CADPS: variants seen among roughly 807,000 people sequenced by gnomAD.
CADPS encodes the protein calcium dependent secretion activator, also known as calcium-dependent secretion activator 1.
Under a neutral mutation model 167.3 loss-of-function variants are expected in CADPS, and 57 were observed. That is an observed-to-expected ratio of 0.34 (90% CI 0.28 to 0.42). The LOEUF is 0.42. CADPS is among the 20% of genes least tolerant of loss of function. The pLI, the probability that CADPS is intolerant of heterozygous loss-of-function variation, is 1.00. For synonymous variants in CADPS, 676 were observed against 635.3 expected, an observed-to-expected ratio of 1.06 and a Z score of -0.96; for missense variants, 1,414 against 1,738.1, an observed-to-expected ratio of 0.81 and a Z score of 3.32.
In CADPS at chr3:62,739,955, G is replaced by A. The variant is rs187676931; in HGVS notation, c.888+13486C>T. ...CTCATAATGCTTACTTATTTTAAAT[G>A]CTGTTTGTGTTCATAAGCTATTTTA... On this transcript the variant is annotated intron_variant, in intron 3 of 29. Transcript: ENST00000383710. 2.9e-3 allele frequency among the ~76,000 whole-genome samples: 435 copies of A among 152,300 alleles called. 1 individual carries two copies. The highest frequency in any genetic ancestry group is 9.9e-3 in the African/African-American group (413 of 41,554).
rs115760447 is a variant in CADPS at position 62,450,134 on chromosome 3, A to G, written c.3637-4337T>C. ...GCCCACGGGCAATTTCTTGCTATAA[A>G]AAAGATTCTGGAATCTCCCCAGGTT... is the stretch of plus-strand genomic sequence containing the variant. On this transcript the variant is annotated intron_variant, in intron 26 of 29. Coordinates refer to ENST00000383710, the MANE Select transcript of CADPS (RefSeq NM_003716.4). Among the ~76,000 whole-genome samples, 496 of 152,292 alleles carry G rather than the reference A, an allele frequency of 3.3e-3. 5 individuals are homozygous for G. The highest frequency in any genetic ancestry group is 0.011 in the African/African-American group (456 of 41,550).
chr3:62,653,381 C>A (rs1448325866), intron 4 of CADPS, among the ~76,000 whole-genome samples: 1 of 152,114 alleles, frequency 6.6e-6, no homozygotes, highest in African/African-American at 2.4e-5. Flanking sequence ...AGTGGGCCCT[C>A]ATCAGACACT....
At chr3:62,714,740 C>T (rs139858773) in intron 3 of CADPS, among the ~76,000 whole-genome samples, 6 of 152,242 alleles carry the variant, frequency 3.9e-5, no homozygotes, top group African/African-American at 1.4e-4. Context: ...CAAAATATTA[C>T]TGTCATTTTA....
intron 28 of CADPS, among the ~76,000 whole-genome samples, chr3:62,425,819 A>C (rs2052534658): frequency 1.3e-5 from 2 of 152,178 alleles, no homozygotes; most frequent in Non-Finnish European, 1.5e-5. Context: ...GACACTCCCA[A>C]AGGAAGCAAT....
intron 28 of CADPS, among the ~76,000 whole-genome samples, chr3:62,424,475 G>T (rs1030988045): frequency 9.2e-5 from 14 of 152,102 alleles, no homozygotes; most frequent in Admixed American, 8.5e-4. Flanking sequence ...GAGCCACCGC[G>T]CCTGGCCTGA....
rs145617322 is a variant in CADPS at position 62,657,207 on chromosome 3, T to C, written c.969+5107A>G. 2.3e-3 allele frequency among the ~76,000 whole-genome samples: 357 copies of C among 152,298 alleles called. 2 individuals are homozygous for C. Among genetic ancestry groups the C allele is most frequent in the Middle Eastern group, 0.01 (3 of 294 alleles). ...AGATAAATATTTGGATATTATTTCTTACTGATATTTGCAATAGGGCCAGGA... is the reference window on the plus strand; with the variant it reads ...AGATAAATATTTGGATATTATTTCTCACTGATATTTGCAATAGGGCCAGGA... On this transcript the variant is annotated intron_variant, in intron 4 of 29. Coordinates refer to ENST00000383710, the MANE Select transcript of CADPS (RefSeq NM_003716.4).
At chr3:62,744,300 T>C (rs1170249699) in intron 3 of CADPS, among the ~76,000 whole-genome samples, 4 of 152,104 alleles carry the variant, frequency 2.6e-5, no homozygotes, top group African/African-American at 9.6e-5. Flanking sequence ...AAAAGAATGA[T>C]GTAGAATCAT....
At chr3:62,553,505 T>C (rs901912813) in intron 10 of CADPS, among the ~76,000 whole-genome samples, 1 of 152,192 alleles carries the variant, frequency 6.6e-6, no homozygotes, top group Non-Finnish European at 1.5e-5. Context: ...CTGATGACTA[T>C]AACCACTGTG....
intron 28 of CADPS, among the ~76,000 whole-genome samples, chr3:62,437,886 G>T (rs1007664840): frequency 6.6e-6 from 1 of 152,100 alleles, no homozygotes; most frequent in Non-Finnish European, 1.5e-5. Flanking sequence ...GCCGTCCTAC[G>T]TATCACACAG....
chr3:62,547,671 G>C (rs565522645), intron 11 of CADPS, among the ~76,000 whole-genome samples: 60 of 139,580 alleles, frequency 4.3e-4, no homozygotes, highest in Middle Eastern at 4.2e-3. Flanking sequence ...AACTAGAGTA[G>C]TGATACACAT....
At chr3:62,857,403 TGAA>T (rs1164099399) in intron 1 of CADPS, among the ~76,000 whole-genome samples, 1 of 151,980 alleles carries the variant, frequency 6.6e-6, no homozygotes, top group Admixed American at 6.6e-5. Flanking sequence ...CACATATATT[TGAA>T]GAAGTGTAGA....
intron 1 of CADPS, among the ~76,000 whole-genome samples, chr3:62,838,677 C>T (rs746499934): frequency 5.3e-5 from 8 of 152,066 alleles, no homozygotes; most frequent in African/African-American, 4.8e-5. Context: ...GTATTCCATA[C>T]GACTGTAATG....
chr3:62,584,974 A>C (rs958330054), intron 8 of CADPS, among the ~76,000 whole-genome samples: 1 of 152,260 alleles, frequency 6.6e-6, no homozygotes, highest in Non-Finnish European at 1.5e-5. Context: ...AAAGAGAAGG[A>C]CATTTTTCTA....
At chr3:62,603,240 C>T (rs2060218463) in intron 6 of CADPS, among the ~76,000 whole-genome samples, 1 of 152,176 alleles carries the variant, frequency 6.6e-6, no homozygotes, top group African/African-American at 2.4e-5. Context: ...CTCTGAGTTC[C>T]TCCACACACA....
At chr3:62,531,355 CTT>C (rs1421494122) in intron 13 of CADPS, among the ~76,000 whole-genome samples, 2 of 152,092 alleles carry the variant, frequency 1.3e-5, no homozygotes. Context: ...TCATGAGTAT[CTT>C]TTATGCAAAT....
At chr3:62,605,567 G>C (rs2060584636) in intron 6 of CADPS, among the ~76,000 whole-genome samples, 2 of 152,116 alleles carry the variant, frequency 1.3e-5, no homozygotes, top group South Asian at 4.2e-4. Flanking sequence ...GCGTTATCTG[G>C]GCAGCACAGG....
intron 26 of CADPS, among the ~76,000 whole-genome samples, chr3:62,456,466 C>T (rs1302624254): frequency 6.6e-6 from 1 of 152,050 alleles, no homozygotes; most frequent in Admixed American, 6.6e-5. Flanking sequence ...GAAGCCTCCC[C>T]GTCCTCTGTT....
intron 10 of CADPS, chr3:62,550,836 C>T (rs1292474196): frequency 4.4e-6 from 2 of 456,544 alleles, no homozygotes; most frequent in Non-Finnish European, 8.8e-6. Context: ...TTTTATTGGG[C>T]CCACCCACCT....
At chr3:62,626,972 T>C (rs1208376329) in intron 6 of CADPS, among the ~76,000 whole-genome samples, 2 of 152,152 alleles carry the variant, frequency 1.3e-5, no homozygotes, top group South Asian at 2.1e-4. Context: ...AGGGAGGGTG[T>C]CTTACAAGTA....
Sources: gnomAD v4.1 joint callset for allele counts (sites outside exome capture counted in the v4.1 genomes callset) on GRCh38, gnomAD v4.1.1 for gene constraint, MANE v1.5 for transcripts, NCBI Gene and HGNC (gene_info 2026-07-23, HGNC 2026-07-21) for gene names.